The following SRP19 variants were observed in gnomAD, a reference collection of about 807,000 sequenced individuals.
The protein encoded by SRP19 is signal recognition particle 19 kDa protein.
SRP19 carries 11 observed loss-of-function variants against 22.4 expected under a neutral mutation model. That is an observed-to-expected ratio of 0.49 (90% CI 0.31 to 0.81). The LOEUF is 0.81. Ranked by LOEUF, SRP19 falls within the 40% of genes least tolerant of loss-of-function variation. SRP19 has a pLI of 0.05. For missense variants in SRP19, 168 were observed against 175.9 expected (o/e 0.96, Z 0.25); for synonymous variants, 61 against 57.6 (o/e 1.06, Z -0.27).
downstream of SRP19, among the ~76,000 whole-genome samples, chr5:112,871,185 A>C (rs994124157): frequency 6.8e-6 from 1 of 146,548 alleles, no homozygotes; most frequent in Non-Finnish European, 1.5e-5. Flanking sequence ...TTTCAGAACT[A>C]TTGCTGTAAC....
chr5:112,871,318 A>T (rs1409093788), downstream of SRP19, among the ~76,000 whole-genome samples: 2 of 145,098 alleles, frequency 1.4e-5, no homozygotes, highest in Admixed American at 1.4e-4. Flanking sequence ...AGGCCAAAAA[A>T]TGTTTTTTTG....
chr5:112,876,972 T>C (rs1268836640), intron 4 of SRP19: 1 of 152,216 alleles, frequency 6.6e-6, no homozygotes, highest in East Asian at 1.9e-4. Context: ...ATATAGTCTA[T>C]ATGCTAGAAG....
chr5:112,867,015 T>G (rs1293772172), intron 4 of SRP19, among the ~76,000 whole-genome samples: 1 of 152,122 alleles, frequency 6.6e-6, no homozygotes, highest in Non-Finnish European at 1.5e-5. Flanking sequence ...GATACTGTTT[T>G]TTTGTTGTAA....
At chr5:112,877,344 T>TGTTA (rs1457428783) in intron 4 of SRP19, 1 of 152,232 alleles carries the variant, frequency 6.6e-6, no homozygotes, top group African/African-American at 2.4e-5. Context: ...TATTTAATCT[T>TGTTA]GTTAGTTTAG....
At chr5:112,871,586 A>G (rs570839292), downstream of SRP19, among the ~76,000 whole-genome samples, 4 of 151,970 alleles carry the variant, frequency 2.6e-5, no homozygotes, top group Admixed American at 6.6e-5. Context: ...GTGAAACCCT[A>G]TCTCTACTAA....
At chr5:112,892,630 T>C (rs779025959) in exon 5 of SRP19, 6 of 1,614,002 alleles carry the variant, frequency 3.7e-6, no homozygotes, top group Non-Finnish European at 5.1e-6. Flanking sequence ...AGGAAAACAC[T>C]GCAACTTTCT....
intron 4 of SRP19, among the ~76,000 whole-genome samples, chr5:112,889,166 GTC>G (rs1334769952): frequency 6.0e-5 from 9 of 150,808 alleles, no homozygotes; most frequent in Admixed American, 3.3e-4. Context: ...TCTCGGCTAT[GTC>G]TTTATTAGCA....
At chr5:112,894,288 T>G (rs548824345), downstream of SRP19, 1 of 152,308 alleles carries the variant, frequency 6.6e-6, no homozygotes, top group South Asian at 2.1e-4. Flanking sequence ...CCCAGCTAAT[T>G]TTTTGTATTT....
rs2150027727 is a variant in SRP19, at chr5:112,867,703, C to T, written c.*166C>T. ...CGGAGTTGACAGTGAAACAAATTTA[C>T]ATCAGAAGTTTGCATCTCGCGTATA... is the stretch of plus-strand genomic sequence containing the variant. On this transcript the variant is annotated 3_prime_UTR_variant, in exon 5 of 5. Transcript: ENST00000505459. 7.4e-7 allele frequency: 1 copy of T among 1,350,570 alleles called. No homozygotes were observed. Among genetic ancestry groups the T allele is most frequent in the South Asian group, 2.3e-5 (1 of 42,800 alleles). The allele number at this position is 1,350,570 out of a possible 1,614,324, so 83.7% of individuals were successfully genotyped here. A position where few individuals can be genotyped will look rare whatever the true frequency, so the allele number is the denominator to read the frequency against.
chr5:112,897,373 A>T (rs1053177497), downstream of SRP19: 1 of 151,420 alleles, frequency 6.6e-6, no homozygotes, highest in African/African-American at 2.4e-5. Context: ...ACACACACAC[A>T]CACACACACA....
chr5:112,864,977 C>G (rs182994585), intron 4 of SRP19: 8 of 316,504 alleles, frequency 2.5e-5, no homozygotes, highest in Non-Finnish European at 4.0e-5. Context: ...ATTTTATAAA[C>G]CTCTGGAAGT....
At chr5:112,873,878 T>A (rs1767837238), downstream of SRP19, among the ~76,000 whole-genome samples, 1 of 152,052 alleles carries the variant, frequency 6.6e-6, no homozygotes, top group Non-Finnish European at 1.5e-5. Flanking sequence ...TAAGTTGAGA[T>A]CTGGCCTGGG....
At chr5:112,878,887 A>G (rs1767979025) in intron 4 of SRP19, 2 of 1,613,282 alleles carry the variant, frequency 1.2e-6, no homozygotes, top group Non-Finnish European at 1.7e-6. Context: ...CTTTCTTTGG[A>G]ATGCAAGCTT....
intron 4 of SRP19, chr5:112,878,824 T>C: frequency 2.5e-6 from 4 of 1,614,160 alleles, no homozygotes; most frequent in Non-Finnish European, 3.4e-6. Flanking sequence ...AAATTCACGG[T>C]AGCTTTCTTC....
intron 4 of SRP19, among the ~76,000 whole-genome samples, chr5:112,882,959 T>A (rs1389878059): frequency 6.6e-6 from 1 of 152,196 alleles, no homozygotes; most frequent in African/African-American, 2.4e-5. Flanking sequence ...ATTTCCCTGC[T>A]GTTACCATAA....
rs747187125 is a variant in SRP19, at chr5:112,861,343, C to T, written c.-34C>T. On this transcript the variant is annotated 5_prime_UTR_variant, in exon 1 of 5. Transcript: ENST00000505459. ...TCCCGGGTTTCTGCCGGGTTTCTCCCTGCGGCTCCTGGGTTGTTGAGACTC... is the reference window on the plus strand; with the variant it reads ...TCCCGGGTTTCTGCCGGGTTTCTCCTTGCGGCTCCTGGGTTGTTGAGACTC... 9 of 1,613,998 alleles carry T rather than the reference C, an allele frequency of 5.6e-6. No homozygotes were observed. The highest frequency in any genetic ancestry group is 1.3e-5 in the African/African-American group (1 of 75,060).
intron 4 of SRP19, among the ~76,000 whole-genome samples, chr5:112,886,862 C>G (rs185803852): frequency 7.9e-5 from 12 of 152,234 alleles, no homozygotes; most frequent in Admixed American, 6.5e-4. Context: ...TAAGTGTTCT[C>G]AATAGGCAAA....
At chr5:112,871,889 G>GTA (rs1037634921), downstream of SRP19, among the ~76,000 whole-genome samples, 11 of 152,202 alleles carry the variant, frequency 7.2e-5, no homozygotes, top group Non-Finnish European at 1.2e-4. Context: ...GAATCTTAAT[G>GTA]AGACAGTTGA....
chr5:112,889,202 G>A (rs1391644638), intron 4 of SRP19, among the ~76,000 whole-genome samples: 1 of 150,212 alleles, frequency 6.7e-6, no homozygotes, highest in East Asian at 2.0e-4. Context: ...CAAATGCAGA[G>A]ACCATCCTGG....
Sources: allele counts gnomAD v4.1 joint callset (sites outside exome capture counted in the v4.1 genomes callset), GRCh38; gene constraint gnomAD v4.1.1; transcripts MANE v1.5; gene names NCBI Gene and HGNC (gene_info 2026-07-23, HGNC 2026-07-21).